Variants in BCAS3 observed in about 807,000 individuals in gnomAD.
BCAS3 encodes the protein BCAS4/BCAS3 fusion.
Under a neutral mutation model 116.1 loss-of-function variants are expected in BCAS3, and 53 were observed. The ratio of observed to expected loss-of-function variants is 0.46; its 90% CI spans 0.37 to 0.57. The LOEUF (loss-of-function observed/expected upper bound fraction) is 0.57, where lower values mean the gene tolerates loss of function less well. BCAS3 is among the 20% of genes least tolerant of loss of function. BCAS3 has a pLI of 0.00. For synonymous variants in BCAS3, 391 were observed against 408.2 expected, an observed-to-expected ratio of 0.96 and a Z score of 0.51; for missense variants, 917 against 1,165.4, an observed-to-expected ratio of 0.79 and a Z score of 3.10.
rs1450953971 is a variant in BCAS3 at position 60,993,820 on chromosome 17, A to G, written c.1486+3585A>G. On this transcript the variant is annotated intron_variant, in intron 15 of 23. Transcript: ENST00000407086. This position sits in a 1 kb window ranked among gnomAD's most constrained non-coding sequence, Gnocchi z 4.2. The stretch of plus-strand genomic sequence containing the variant: ...GTTAAATAACAGTTGATATAGGGGT[A>G]TTTCCTTTTTACTCTTTGGACCCAA... 6.6e-6 allele frequency among the ~76,000 whole-genome samples: 1 copy of G among 152,114 alleles called. No homozygotes were observed. The highest frequency in any genetic ancestry group is 1.5e-5 in the Non-Finnish European group (1 of 68,008).
At chr17:60,932,470 G>A (rs753226170) in intron 13 of BCAS3, among the ~76,000 whole-genome samples, 5 of 151,988 alleles carry the variant, frequency 3.3e-5, no homozygotes, top group South Asian at 2.1e-4. Context: ...GGCCGGGCAC[G>A]GTGGCTCACG....
rs143525992 is a variant in BCAS3 at position 61,190,212 on chromosome 17, C to T, written c.2425+105648C>T. ...AGGAAAGAGGAAAGCCACATTACCA[C>T]GAATTATAGAATGAATAGAAATGAC... On this transcript the variant is annotated intron_variant, in intron 22 of 23. Coordinates refer to ENST00000407086, the MANE Select transcript of BCAS3 (RefSeq NM_017679.5). Among the ~76,000 whole-genome samples the T allele has an allele frequency of 1.1e-4, 17 of 152,152 alleles. No individual in the cohort carries two copies. In the East Asian group the frequency reaches 3.3e-3, roughly 30 times the overall value.
chr17:61,315,184 C>T lies in BCAS3; in HGVS notation c.2426-53143C>T, dbSNP rs1448669142. Reference sequence around the variant, plus strand: ...AGGCTGGAGTGCAGTGGCGTGATCTCGGCTCACTGCAGCCTCCGCCTCCAG... The same window carrying T: ...AGGCTGGAGTGCAGTGGCGTGATCTTGGCTCACTGCAGCCTCCGCCTCCAG... On this transcript the variant is annotated intron_variant, in intron 22 of 23. Transcript: ENST00000407086. The surrounding 1 kb of genome is among the most constrained non-coding windows in gnomAD (Gnocchi z 5.3). 6.6e-6 allele frequency among the ~76,000 whole-genome samples: 1 copy of T among 152,112 alleles called. No individual in the cohort carries two copies. Among genetic ancestry groups the T allele is most frequent in the South Asian group, 2.1e-4 (1 of 4,822 alleles).
chr17:61,018,595 C>A (rs915388233), intron 16 of BCAS3, among the ~76,000 whole-genome samples: 1 of 152,132 alleles, frequency 6.6e-6, no homozygotes, highest in Non-Finnish European at 1.5e-5. Context: ...AGCCACCACG[C>A]CCGGCCCCAA....
intron 19 of BCAS3, among the ~76,000 whole-genome samples, chr17:61,070,661 G>T (rs1027280071): frequency 6.6e-6 from 1 of 151,998 alleles, no homozygotes; most frequent in Non-Finnish European, 1.5e-5. Context: ...AAGCATTTGA[G>T]AATGAATTTT....
chr17:61,116,625 T>C (rs1442776811), intron 22 of BCAS3, among the ~76,000 whole-genome samples: 2 of 152,222 alleles, frequency 1.3e-5, no homozygotes, highest in Non-Finnish European at 2.9e-5. Flanking sequence ...TCTTCATTTG[T>C]TTTCCCTTTG....
chr17:60,950,295 A>G (rs977355306), intron 14 of BCAS3, among the ~76,000 whole-genome samples: 1 of 152,148 alleles, frequency 6.6e-6, no homozygotes, highest in African/African-American at 2.4e-5. Flanking sequence ...GTGACAGAAG[A>G]CAATAGAGGG....
intron 22 of BCAS3, among the ~76,000 whole-genome samples, chr17:61,255,916 A>G (rs1340175599): frequency 6.6e-6 from 1 of 152,202 alleles, no homozygotes; most frequent in Non-Finnish European, 1.5e-5. Flanking sequence ...AGTACTATGA[A>G]GAGATTTGCT....
chr17:61,040,774 C>T lies in BCAS3; in HGVS notation c.1929-18C>T, dbSNP rs748719993. The T allele has an allele frequency of 1.3e-6, 2 of 1,590,380 alleles. No individual in the cohort carries two copies. Among genetic ancestry groups the T allele is most frequent in the Admixed American group, 1.7e-5 (1 of 59,984 alleles). On this transcript the variant is annotated intron_variant, in intron 18 of 23. Transcript: ENST00000407086. ...TCTATTAAGCTTAAATATTAATATT[C>T]TTCTCCTGTTTCCTTAGAACCCCTC...
At chr17:60,914,740 A>G (rs1020016142) in intron 12 of BCAS3, among the ~76,000 whole-genome samples, 2 of 152,182 alleles carry the variant, frequency 1.3e-5, no homozygotes, top group Non-Finnish European at 2.9e-5. Flanking sequence ...GAAGACCTTT[A>G]TAATTGATTC....
intron 6 of BCAS3, among the ~76,000 whole-genome samples, chr17:60,777,408 T>C (rs2045405850): frequency 6.6e-6 from 1 of 152,104 alleles, no homozygotes; most frequent in Non-Finnish European, 1.5e-5. Flanking sequence ...ACAAATCACT[T>C]GAGGCCAAGA....
At chr17:61,086,033 A>G (rs1347599355) in intron 22 of BCAS3, among the ~76,000 whole-genome samples, 2 of 152,174 alleles carry the variant, frequency 1.3e-5, no homozygotes, top group African/African-American at 4.8e-5. Flanking sequence ...ACCTTGTGTT[A>G]TTAAAAGTAG....
chr17:61,216,145 A>C (rs2109128), intron 22 of BCAS3, among the ~76,000 whole-genome samples: 137,950 of 152,180 alleles, frequency 0.91, 63,386 homozygotes, highest in East Asian at 1. Context: ...ATTAGGGGGC[A>C]CAATGTGAAT....
intron 22 of BCAS3, among the ~76,000 whole-genome samples, chr17:61,160,816 G>A (rs1331215038): frequency 6.6e-6 from 1 of 152,148 alleles, no homozygotes; most frequent in Non-Finnish European, 1.5e-5. Flanking sequence ...CCACATTTTG[G>A]AGCTTTGATG....
intron 4 of BCAS3, among the ~76,000 whole-genome samples, chr17:60,699,932 G>T (rs2036163363): frequency 6.6e-6 from 1 of 151,586 alleles, no homozygotes; most frequent in African/African-American, 2.4e-5. Context: ...TCAGCACTTT[G>T]GAAGGCCAAG....
chr17:60,806,131 C>A (rs1325687231), intron 6 of BCAS3, among the ~76,000 whole-genome samples: 1 of 152,102 alleles, frequency 6.6e-6, no homozygotes, highest in African/African-American at 2.4e-5. Flanking sequence ...CCGCCTCGGC[C>A]TCCCAAAGTG....
At chr17:61,187,329 G>C (rs1251727433) in intron 22 of BCAS3, among the ~76,000 whole-genome samples, 2 of 152,198 alleles carry the variant, frequency 1.3e-5, no homozygotes, top group Non-Finnish European at 2.9e-5. Flanking sequence ...TTTCTGGTAT[G>C]TCTGTGAAAC....
chr17:61,241,625 A>T lies in BCAS3; in HGVS notation c.2426-126702A>T, dbSNP rs185703970. Among the ~76,000 whole-genome samples the T allele has an allele frequency of 1.5e-3, 226 of 152,182 alleles. 3 individuals are homozygous for T. The highest frequency in any genetic ancestry group is 4.3e-4 in the Non-Finnish European group (29 of 68,014). ...TCCCAGCTACTCGGGAGGATGAGGC[A>T]GGAAAATGGCGTGAACCCAGGAGCC... is the stretch of plus-strand genomic sequence containing the variant. On this transcript the variant is annotated intron_variant, in intron 22 of 23. Coordinates refer to ENST00000407086, the MANE Select transcript of BCAS3 (RefSeq NM_017679.5). The surrounding 1 kb of genome is among the most constrained non-coding windows in gnomAD (Gnocchi z 4.6).
chr17:61,285,045 G>A lies in BCAS3; in HGVS notation c.2426-83282G>A, dbSNP rs1448913092. On this transcript the variant is annotated intron_variant, in intron 22 of 23. Transcript: ENST00000407086. This position sits in a 1 kb window ranked among gnomAD's most constrained non-coding sequence, Gnocchi z 5.4. ...TTGCTGCCCTAAATTCCTGTCCTTG[G>A]TCTCTGTTGGGACCATGCCTACTGA... Among the ~76,000 whole-genome samples, 2 of 152,130 alleles carry A rather than the reference G, an allele frequency of 1.3e-5. No homozygotes were observed. The highest frequency in any genetic ancestry group is 2.9e-5 in the Non-Finnish European group (2 of 68,026).
Sources: allele counts gnomAD v4.1 joint callset (sites outside exome capture counted in the v4.1 genomes callset), GRCh38; gene constraint gnomAD v4.1.1; non-coding constraint Gnocchi (gnomAD v3.1); transcripts MANE v1.5; gene names NCBI Gene and HGNC (gene_info 2026-07-23, HGNC 2026-07-21).